The following GPC5 variants were observed in gnomAD, a reference collection of about 807,000 sequenced individuals.
The protein encoded by GPC5 is glypican 5, also known as glypican-5.
A neutral mutation model predicts 53.9 loss-of-function variants in GPC5; 47 were observed. That is an observed-to-expected ratio of 0.87 (90% CI 0.69 to 1.11). The LOEUF is 1.11. Ranked by LOEUF, GPC5 falls within the 50% of genes most tolerant of loss-of-function variation. The pLI, the probability that GPC5 is intolerant of heterozygous loss-of-function variation, is 0.00. For missense variants in GPC5, 748 were observed against 713.1 expected, an observed-to-expected ratio of 1.05 and a Z score of -0.56; for synonymous variants, 286 against 263.3, an observed-to-expected ratio of 1.09 and a Z score of -0.84.
intron 7 of GPC5, among the ~76,000 whole-genome samples, chr13:92,528,665 A>G (rs1364285559): frequency 7.2e-5 from 11 of 152,078 alleles, no homozygotes; most frequent in Non-Finnish European, 1.2e-4. Context: ...TGTTCTAAGG[A>G]AAGGAACTTT....
intron 2 of GPC5, among the ~76,000 whole-genome samples, chr13:91,691,540 A>C (rs1234311132): frequency 6.6e-6 from 1 of 152,166 alleles, no homozygotes; most frequent in Non-Finnish European, 1.5e-5. Context: ...CATGAGCTCT[A>C]CCTAACAATT....
At chr13:92,427,754 A>G (rs1876900032) in intron 7 of GPC5, among the ~76,000 whole-genome samples, 1 of 152,136 alleles carries the variant, frequency 6.6e-6, no homozygotes, top group Non-Finnish European at 1.5e-5. Flanking sequence ...CTAGCCCAAT[A>G]ACGTTTGAAG....
intron 5 of GPC5, among the ~76,000 whole-genome samples, chr13:91,761,452 G>A (rs2037410123): frequency 6.6e-6 from 1 of 152,004 alleles, no homozygotes; most frequent in African/African-American, 2.4e-5. Flanking sequence ...AGATCCCACA[G>A]GCTGGGAGCT....
chr13:92,451,822 T>G (rs1344079507), intron 7 of GPC5, among the ~76,000 whole-genome samples: 1 of 152,200 alleles, frequency 6.6e-6, no homozygotes, highest in Admixed American at 6.5e-5. Flanking sequence ...GAAATGTACA[T>G]GTACCTGTAT....
At chr13:92,705,515 A>T (rs1766030757) in intron 7 of GPC5, among the ~76,000 whole-genome samples, 1 of 152,160 alleles carries the variant, frequency 6.6e-6, no homozygotes, top group South Asian at 2.1e-4. Flanking sequence ...GACATAATAT[A>T]GAAAAAATAA....
intron 7 of GPC5, chr13:92,447,418 A>G (rs1877871940): frequency 2.0e-5 from 3 of 152,118 alleles, no homozygotes; most frequent in Admixed American, 2.0e-4. Flanking sequence ...ACATGAATGC[A>G]TAAAAATTAA....
At position 91,983,202 on chromosome 13, in the gene GPC5, C is replaced by T. The variant is rs575040295; in HGVS notation, c.1401+75145C>T. ...CTACTAAAAATACAAAAAAATTAGC[C>T]GGGCGTACTGGCGGGCGCCTGTAGT... On this transcript the variant is annotated intron_variant, in intron 6 of 7. Coordinates refer to ENST00000377067, the MANE Select transcript of GPC5 (RefSeq NM_004466.6). Among the ~76,000 whole-genome samples the T allele has an allele frequency of 1.5e-4, 23 of 152,174 alleles. No homozygotes were observed. In the South Asian group the frequency reaches 4.6e-3, roughly 30 times the overall value.
Position 92,337,202 on chromosome 13 carries a change from CAA to C in GPC5, c.1561+192224_1561+192225del, listed in dbSNP as rs11303172. 6.5e-3 allele frequency among the ~76,000 whole-genome samples: 933 copies of C among 142,498 alleles called. 10 individuals are homozygous for C. Among genetic ancestry groups the C allele is most frequent in the African/African-American group, 0.021 (845 of 39,684 alleles). The allele number at this position is 142,498 out of a possible 152,430, so 93.5% of individuals were successfully genotyped here. A position where few individuals can be genotyped will look rare whatever the true frequency, so the allele number is the denominator to read the frequency against. On this transcript the variant is annotated intron_variant, in intron 7 of 7. Transcript: ENST00000377067. ...ATTTATGTTAGCAGCACCCCCCACC[CAA>C]AAAAAAAAAAGAAATAGGTACACAT...
At chr13:92,499,223 A>C (rs150910770) in intron 7 of GPC5, among the ~76,000 whole-genome samples, 8 of 152,300 alleles carry the variant, frequency 5.3e-5, no homozygotes, top group Non-Finnish European at 1.2e-4. Context: ...CCAGGGTTCA[A>C]ACAATAGGAA....
Position 91,771,154 on chromosome 13 carries a change from A to G in GPC5, c.1280+14734A>G, listed in dbSNP as rs147515261. On this transcript the variant is annotated intron_variant, in intron 5 of 7. Coordinates refer to ENST00000377067, the MANE Select transcript of GPC5 (RefSeq NM_004466.6). The stretch of plus-strand genomic sequence containing the variant: ...AATGCCAAAAATCTGATAGAAAATT[A>G]GGCAAAGTGCATGAATAGATAATTT... 3.9e-3 allele frequency among the ~76,000 whole-genome samples: 601 copies of G among 152,348 alleles called. 8 individuals are homozygous for G. The highest frequency in any genetic ancestry group is 0.014 in the African/African-American group (586 of 41,592).
At chr13:92,031,831 A>ATG (rs2040851310) in intron 6 of GPC5, among the ~76,000 whole-genome samples, 21 of 109,142 alleles carry the variant, frequency 1.9e-4, no homozygotes, top group African/African-American at 6.8e-4. Flanking sequence ...TATATATAAT[A>ATG]TATAATATAT....
At chr13:92,128,926 G>A (rs1407476719) in intron 6 of GPC5, among the ~76,000 whole-genome samples, 1 of 152,148 alleles carries the variant, frequency 6.6e-6, no homozygotes, top group Non-Finnish European at 1.5e-5. Context: ...TTGTGCCACT[G>A]CACTCCAGCC....
intron 2 of GPC5, among the ~76,000 whole-genome samples, chr13:91,505,152 T>A (rs1884876136): frequency 1.3e-5 from 2 of 152,274 alleles, no homozygotes; most frequent in South Asian, 4.1e-4. Context: ...GAACAAATAA[T>A]CCTAAGGTAA....
At chr13:92,284,282 C>T (rs920974121) in intron 7 of GPC5, among the ~76,000 whole-genome samples, 11 of 152,050 alleles carry the variant, frequency 7.2e-5, no homozygotes, top group Non-Finnish European at 1.3e-4. Context: ...CAGGACCAGA[C>T]GGATTCAGAG....
chr13:92,402,605 C>A (rs1352872062), intron 7 of GPC5, among the ~76,000 whole-genome samples: 1 of 152,186 alleles, frequency 6.6e-6, no homozygotes, highest in Non-Finnish European at 1.5e-5. Flanking sequence ...GAACATCAGG[C>A]ATGGAACATG....
chr13:92,075,113 A>G (rs1416228854), intron 6 of GPC5, among the ~76,000 whole-genome samples: 1 of 152,076 alleles, frequency 6.6e-6, no homozygotes, highest in African/African-American at 2.4e-5. Context: ...AGATTCCTTT[A>G]CCCAATGCCA....
intron 7 of GPC5, among the ~76,000 whole-genome samples, chr13:92,734,784 T>TA (rs1393383145): frequency 6.6e-5 from 10 of 151,932 alleles, no homozygotes; most frequent in African/African-American, 2.2e-4. Flanking sequence ...CCTTTCTTCC[T>TA]AAAATCTTCC....
At chr13:92,650,516 G>A (rs1885922787) in intron 7 of GPC5, among the ~76,000 whole-genome samples, 1 of 152,040 alleles carries the variant, frequency 6.6e-6, no homozygotes, top group African/African-American at 2.4e-5. Context: ...CTAGTACTAA[G>A]GCATCAATTG....
intron 7 of GPC5, among the ~76,000 whole-genome samples, chr13:92,162,839 A>G (rs900455554): frequency 5.9e-5 from 9 of 151,558 alleles, no homozygotes; most frequent in Admixed American, 5.9e-4. Context: ...TGATTTCTGC[A>G]CCTCTTGAAA....
Sources: allele counts gnomAD v4.1 joint callset (sites outside exome capture counted in the v4.1 genomes callset), GRCh38; gene constraint gnomAD v4.1.1; transcripts MANE v1.5; gene names NCBI Gene and HGNC (gene_info 2026-07-23, HGNC 2026-07-21).